EXT1: variants seen among roughly 807,000 people sequenced by gnomAD.
The protein encoded by EXT1 is exostosin-1.
EXT1 carries 20 observed loss-of-function variants against 82.5 expected under a neutral mutation model. That is an observed-to-expected ratio of 0.24 (90% CI 0.17 to 0.35). The LOEUF (loss-of-function observed/expected upper bound fraction) is 0.35. EXT1 is among the 10% of genes least tolerant of loss of function. EXT1 has a pLI of 1.00. For synonymous variants in EXT1, 348 were observed against 350.8 expected (o/e 0.99, Z 0.09); for missense variants, 757 against 936.5 (o/e 0.81, Z 2.50).
chr8:118,043,880 C>T (rs2129908894), intron 1 of EXT1, among the ~76,000 whole-genome samples: 1 of 152,280 alleles, frequency 6.6e-6, no homozygotes, highest in East Asian at 1.9e-4. Flanking sequence ...GGGAATGAAA[C>T]AAAATTTCCA....
At chr8:117,921,484 T>G (rs979883566) in intron 1 of EXT1, among the ~76,000 whole-genome samples, 1 of 152,242 alleles carries the variant, frequency 6.6e-6, no homozygotes, top group Non-Finnish European at 1.5e-5. Flanking sequence ...TGCTTTCTTC[T>G]GAGTCTCATT....
chr8:117,809,811 C>T (rs1823294216), intron 8 of EXT1, among the ~76,000 whole-genome samples: 1 of 152,096 alleles, frequency 6.6e-6, no homozygotes, highest in Non-Finnish European at 1.5e-5. Flanking sequence ...GTGGTCAATA[C>T]TAATGGAGAC....
rs564703060 is a variant in EXT1, at chr8:117,957,078, C to T, written c.963-119877G>A. Among the ~76,000 whole-genome samples the T allele has an allele frequency of 4.6e-5, 7 of 152,306 alleles. No individual in the cohort carries two copies. The South Asian group carries it at 1.0e-3, about 23-fold the overall frequency. ...AGTTCCGGGGAAGCAGTTCATGGCA[C>T]GTTCTCTTTGCTTTGTGTCTTGGCG... On this transcript the variant is annotated intron_variant, in intron 1 of 10. Transcript: ENST00000378204.
chr8:117,997,244 A>AATATATATATATATATAT (rs1563624581), intron 1 of EXT1, among the ~76,000 whole-genome samples: 16 of 128,768 alleles, frequency 1.2e-4, no homozygotes, highest in African/African-American at 5.7e-4. Context: ...TAGTTGTCAT[A>AATATATATATATATATAT]CTATATATAT....
At chr8:118,096,756 C>A (rs1817626993) in intron 1 of EXT1, among the ~76,000 whole-genome samples, 1 of 152,016 alleles carries the variant, frequency 6.6e-6, no homozygotes, top group Admixed American at 6.6e-5. Flanking sequence ...AAAAAAGGTT[C>A]ATTGGGAGAA....
At chr8:117,864,053 A>G (rs1004656854) in intron 1 of EXT1, among the ~76,000 whole-genome samples, 2 of 152,214 alleles carry the variant, frequency 1.3e-5, no homozygotes, top group African/African-American at 4.8e-5. Flanking sequence ...CTGCACTGAC[A>G]TATTAGCAAG....
chr8:117,990,514 A>G (rs1394761008), intron 1 of EXT1, among the ~76,000 whole-genome samples: 2 of 152,194 alleles, frequency 1.3e-5, no homozygotes, highest in African/African-American at 4.8e-5. Flanking sequence ...GCCTTCCCTG[A>G]CAGCAAAATG....
Position 117,807,387 on chromosome 8 carries a change from G to C in EXT1, c.1723-10C>G. The C allele has an allele frequency of 1.2e-6, 2 of 1,614,128 alleles. No homozygotes were observed. The highest frequency in any genetic ancestry group is 1.7e-6 in the Non-Finnish European group (2 of 1,180,010). ...TGAAGGCGAAATCCACCTGCAGGCA[G>C]AACACAAGCCAAACAAGCAATCAAC... On this transcript the variant is annotated splice_polypyrimidine_tract_variant and intron_variant, in intron 8 of 10. Transcript: ENST00000378204.
At chr8:118,094,162 C>T (rs1817569273) in intron 1 of EXT1, among the ~76,000 whole-genome samples, 1 of 152,216 alleles carries the variant, frequency 6.6e-6, no homozygotes, top group African/African-American at 2.4e-5. Context: ...GGAACAAGAC[C>T]TCTGTGACTG....
intron 1 of EXT1, among the ~76,000 whole-genome samples, chr8:118,107,943 G>C (rs898431118): frequency 6.6e-6 from 1 of 152,276 alleles, no homozygotes; most frequent in Admixed American, 6.5e-5. Flanking sequence ...TTGGGAGAAA[G>C]AGCAAACTTG....
At chr8:117,933,145 T>C (rs1253477202) in intron 1 of EXT1, among the ~76,000 whole-genome samples, 1 of 152,218 alleles carries the variant, frequency 6.6e-6, no homozygotes, top group Admixed American at 6.5e-5. Flanking sequence ...AGAGGTCTTC[T>C]GGTCTTTTAG....
intron 1 of EXT1, among the ~76,000 whole-genome samples, chr8:117,896,369 CTCTT>C (rs1409540982): frequency 6.6e-6 from 1 of 152,220 alleles, no homozygotes; most frequent in Non-Finnish European, 1.5e-5. Context: ...ATACAACTCT[CTCTT>C]TCAGATTCAG....
rs978152798 is a variant in EXT1, at chr8:117,906,115, A to G, written c.963-68914T>C. Among the ~76,000 whole-genome samples, 13 of 152,158 alleles carry G rather than the reference A, an allele frequency of 8.5e-5. 1 individual carries two copies. Among genetic ancestry groups the G allele is most frequent in the Non-Finnish European group, 1.3e-4 (9 of 68,026 alleles). ...TGCATGACTCTTGGCTTGGTATTCT[A>G]TCCCTCGTATTTCTTACAGCAGTTG... is the stretch of plus-strand genomic sequence containing the variant. On this transcript the variant is annotated intron_variant, in intron 1 of 10. Coordinates refer to ENST00000378204, the MANE Select transcript of EXT1 (RefSeq NM_000127.3).
intron 1 of EXT1, among the ~76,000 whole-genome samples, chr8:118,062,073 A>G (rs1816890847): frequency 6.6e-6 from 1 of 152,134 alleles, no homozygotes; most frequent in Non-Finnish European, 1.5e-5. Flanking sequence ...AACAAGAGAC[A>G]CCAACTGTCA....
intron 1 of EXT1, among the ~76,000 whole-genome samples, chr8:118,080,346 T>C (rs946049582): frequency 3.0e-4 from 45 of 152,338 alleles, no homozygotes; most frequent in African/African-American, 9.6e-4. Flanking sequence ...CTTCTTCTCT[T>C]ATCTATTAAT....
chr8:117,860,331 C>T (rs1052943700), intron 1 of EXT1, among the ~76,000 whole-genome samples: 33 of 151,964 alleles, frequency 2.2e-4, no homozygotes, highest in African/African-American at 7.3e-4. Context: ...AGTGAAAGAA[C>T]ACATACTGGA....
At chr8:117,956,185 A>G (rs1814582311) in intron 1 of EXT1, among the ~76,000 whole-genome samples, 1 of 152,032 alleles carries the variant, frequency 6.6e-6, no homozygotes, top group African/African-American at 2.4e-5. Flanking sequence ...AGCAAAAAAA[A>G]AAAAACAAGT....
Position 117,798,515 on chromosome 8 carries a change from C to T in EXT1, c.*1197G>A, listed in dbSNP as rs1351562303. The T allele has an allele frequency of 1.3e-5, 2 of 152,070 alleles. No individual in the cohort carries two copies. Among genetic ancestry groups the T allele is most frequent in the Non-Finnish European group, 2.9e-5 (2 of 68,026 alleles). 9.4% of individuals were successfully genotyped at this position (152,070 alleles called of 1,614,324 possible). Reference sequence around the variant, plus strand: ...CAAGAAGCACAACTAAACTTTTCCACAGATTTAAAAATTAAAAGTAAATGA... The same window carrying T: ...CAAGAAGCACAACTAAACTTTTCCATAGATTTAAAAATTAAAAGTAAATGA... On this transcript the variant is annotated 3_prime_UTR_variant, in exon 11 of 11. Transcript: ENST00000378204.
At chr8:118,001,893 T>C (rs965759258) in intron 1 of EXT1, among the ~76,000 whole-genome samples, 14 of 152,232 alleles carry the variant, frequency 9.2e-5, no homozygotes, top group African/African-American at 3.4e-4. Context: ...TTAAATCCCA[T>C]TGGCCAATTT....
Sources: gnomAD v4.1 joint callset for allele counts (sites outside exome capture counted in the v4.1 genomes callset) on GRCh38, gnomAD v4.1.1 for gene constraint, MANE v1.5 for transcripts, NCBI Gene and HGNC (gene_info 2026-07-23, HGNC 2026-07-21) for gene names.